Variants in CEP57 observed in about 807,000 individuals in gnomAD.
CEP57 encodes centrosomal protein 57, also known as centrosomal protein of 57 kDa.
CEP57 carries 40 observed loss-of-function variants against 68.0 expected under a neutral mutation model. The ratio of observed to expected loss-of-function variants is 0.59; its 90% CI spans 0.46 to 0.77. The LOEUF is 0.77. Ranked by LOEUF, CEP57 falls within the 30% of genes least tolerant of loss-of-function variation. CEP57 has a pLI of 0.00. For synonymous variants in CEP57, 219 were observed against 198.7 expected (o/e 1.10, Z -0.86); for missense variants, 606 against 580.7 (o/e 1.04, Z -0.45).
intron 2 of CEP57, among the ~76,000 whole-genome samples, chr11:95,806,353 G>A (rs144873107): frequency 1.4e-3 from 208 of 152,238 alleles, no homozygotes; most frequent in African/African-American, 4.6e-3. Flanking sequence ...CTGAGATACC[G>A]GGTTCATCTC....
Position 95,822,537 on chromosome 11 carries a change from T to C in CEP57, c.846T>C (p.Tyr282=), listed in dbSNP as rs775590763. The C allele has an allele frequency of 4.3e-6, 7 of 1,613,848 alleles. No individual in the cohort carries two copies. Among genetic ancestry groups the C allele is most frequent in the Admixed American group, 1.7e-5 (1 of 60,024 alleles). ...SRNYFGAQPH[Y]RLCLGDMPFV... ...ACTATTTTGGTGCACAACCACATTA[T>C]AGATTATGCTTGGGTGATATGCCAT... The change falls in exon 8 of 11, where the codon TAT becomes TAC. Residue 282 remains tyrosine (Y), a synonymous_variant. Transcript: ENST00000325542.
chr11:95,821,896 G>C lies in CEP57; in HGVS notation c.725G>C (p.Arg242Thr). The C allele has an allele frequency of 6.2e-7, 1 of 1,611,902 alleles. No individual in the cohort carries two copies. Among genetic ancestry groups the C allele is most frequent in the Non-Finnish European group, 8.5e-7 (1 of 1,179,284 alleles). The change falls in exon 7 of 11, where the codon AGA (arginine) becomes ACA (threonine). Residue 242 changes from arginine (R) to threonine (T), a missense_variant. Arg to Thr is a moderately conservative substitution (Grantham distance 71). Coordinates refer to ENST00000325542, the MANE Select transcript of CEP57 (RefSeq NM_014679.5). ...TTGCAGACTGGTCTAGAAACAAATAGACTTATCTTTGAAGATAAGGCAACT... is the reference window on the plus strand; with the variant it reads ...TTGCAGACTGGTCTAGAAACAAATACACTTATCTTTGAAGATAAGGCAACT... The part of the protein sequence containing the change: ...AELQTGLETN[R>T]LIFEDKATPC...
At chr11:95,793,020 T>C (rs1218118470) in intron 1 of CEP57, among the ~76,000 whole-genome samples, 1 of 152,208 alleles carries the variant, frequency 6.6e-6, no homozygotes, top group Non-Finnish European at 1.5e-5. Context: ...TATATTCAAC[T>C]GTTTTCGACA....
chr11:95,812,341 T>G lies in CEP57; in HGVS notation c.203-591T>G, dbSNP rs1228824991. On this transcript the variant is annotated intron_variant, in intron 2 of 10. Coordinates refer to ENST00000325542, the MANE Select transcript of CEP57 (RefSeq NM_014679.5). ...TATGATTGGCTAAATTTTTTACCAC[T>G]TTATAAAAGTCTTTGAAATTTTTTT... is the stretch of plus-strand genomic sequence containing the variant. 3.3e-5 allele frequency among the ~76,000 whole-genome samples: 5 copies of G among 152,270 alleles called. No individual in the cohort carries two copies. The East Asian group carries it at 9.6e-4, about 29-fold the overall frequency.
chr11:95,799,074 AG>A (rs1861464857), intron 1 of CEP57, among the ~76,000 whole-genome samples, 157 bp from the exon 2 acceptor site: 1 of 152,170 alleles, frequency 6.6e-6, no homozygotes, highest in Non-Finnish European at 1.5e-5. Flanking sequence ...ACACTTTAAA[AG>A]TTGTATTTCT....
chr11:95,793,083 A>C (rs573870745), intron 1 of CEP57, among the ~76,000 whole-genome samples: 54 of 152,346 alleles, frequency 3.5e-4, no homozygotes, highest in African/African-American at 1.3e-3. Flanking sequence ...CTTTACAGGC[A>C]AAGATTTTTA....
intron 2 of CEP57, among the ~76,000 whole-genome samples, chr11:95,801,900 G>C (rs1014757987): frequency 6.6e-6 from 1 of 152,016 alleles, no homozygotes; most frequent in African/African-American, 2.4e-5. Flanking sequence ...AGCATGATGC[G>C]GTGAACTATT....
At chr11:95,806,246 A>G (rs1369591381) in intron 2 of CEP57, among the ~76,000 whole-genome samples, 1 of 152,216 alleles carries the variant, frequency 6.6e-6, no homozygotes, top group Non-Finnish European at 1.5e-5. Flanking sequence ...AATAAAGAAC[A>G]ACTTGGTCCG....
chr11:95,829,287 G>A lies in CEP57; in HGVS notation c.1228G>A (p.Ala410Thr). 3.1e-6 allele frequency: 5 copies of A among 1,613,858 alleles called. No individual in the cohort carries two copies. Among genetic ancestry groups the A allele is most frequent in the Non-Finnish European group, 4.2e-6 (5 of 1,179,950 alleles). ...ELEALVGRMEAKANQITKVRK... is the reference protein window; with the variant it reads ...ELEALVGRMETKANQITKVRK... ...GGAGGCATTAGTGGGAAGGATGGAA[G>A]CAAAAGCCAACCAAATAACTAAAGT... The change falls in exon 10 of 11, where the codon GCA (alanine) becomes ACA (threonine). Residue 410 changes from alanine (A) to threonine (T), a missense_variant. Transcript: ENST00000325542.
intron 9 of CEP57, 74 bp downstream of exon 9, chr11:95,828,101 T>A: frequency 6.6e-7 from 1 of 1,506,558 alleles, no homozygotes; most frequent in Middle Eastern, 2.2e-4. Flanking sequence ...TTGACTTTAT[T>A]AAATCTTACT....
chr11:95,798,413 C>G (rs755389703), intron 1 of CEP57, among the ~76,000 whole-genome samples: 3 of 152,106 alleles, frequency 2.0e-5, no homozygotes, highest in African/African-American at 4.8e-5. Context: ...ACGGATTATT[C>G]TGGTAAATGT....
chr11:95,812,002 T>C (rs186562536), intron 2 of CEP57, among the ~76,000 whole-genome samples: 106 of 152,306 alleles, frequency 7.0e-4, no homozygotes, highest in African/African-American at 2.5e-3. Flanking sequence ...AATAACCAAA[T>C]GACAGTCATT....
In CEP57 at chr11:95,790,598, A is replaced by G; in HGVS notation, c.-101A>G. The G allele has an allele frequency of 2.1e-6, 3 of 1,430,994 alleles. No individual in the cohort carries two copies. The highest frequency in any genetic ancestry group is 1.2e-5 in the South Asian group (1 of 82,288). 88.6% of individuals were successfully genotyped at this position (1,430,994 alleles called of 1,614,324 possible). On this transcript the variant is annotated 5_prime_UTR_variant, in exon 1 of 11. Coordinates refer to ENST00000325542, the MANE Select transcript of CEP57 (RefSeq NM_014679.5). ...CCTTGCCCTTTTCCATCAGGGGTTC[A>G]GCCTAGGGTCCCCGCTGGTGGGCGG... is the stretch of plus-strand genomic sequence containing the variant.
chr11:95,815,669 G>T (rs566949946), intron 4 of CEP57, among the ~76,000 whole-genome samples: 2 of 152,270 alleles, frequency 1.3e-5, no homozygotes, highest in East Asian at 3.9e-4. Flanking sequence ...ACTGGTTCTG[G>T]CTGGGCAGGG....
At chr11:95,808,926 T>C (rs1331200446) in intron 2 of CEP57, among the ~76,000 whole-genome samples, 1 of 152,190 alleles carries the variant, frequency 6.6e-6, no homozygotes, top group Non-Finnish European at 1.5e-5. Flanking sequence ...ACATCACACT[T>C]ATTCCAAAAC....
chr11:95,816,249 C>T (rs1281754807), intron 4 of CEP57, among the ~76,000 whole-genome samples: 1 of 152,102 alleles, frequency 6.6e-6, no homozygotes, highest in Non-Finnish European at 1.5e-5. Flanking sequence ...CTATTAAAAC[C>T]ATCAGATCTC....
rs765767663 is a variant in CEP57, at chr11:95,790,719, T to C, written c.21T>C (p.Ser7=). The C allele has an allele frequency of 6.2e-7, 1 of 1,614,096 alleles. No homozygotes were observed. Among genetic ancestry groups the C allele is most frequent in the Admixed American group, 1.7e-5 (1 of 60,024 alleles). Residue 7 remains serine, a synonymous_variant, in exon 1 of 11, where the codon TCT becomes TCC. Transcript: ENST00000325542. ...GAAAGATGGCGGCGGCGTCTGTCTC[T>C]GCGGCTTCTGGTTCTCACTTGTCGG... The part of the protein sequence containing the change: MAAASV[S]AASGSHLSNS...
chr11:95,790,851 G>A lies in CEP57; in HGVS notation c.45+108G>A, dbSNP rs879088032. The stretch of plus-strand genomic sequence containing the variant: ...TCCAGCTTCTGACGCAATTCTGGAG[G>A]TCGGCGGGAATGCCTAGATTGCCCC... On this transcript the variant is annotated intron_variant, in intron 1 of 10. Transcript: ENST00000325542. 4 of 1,340,806 alleles carry A rather than the reference G, an allele frequency of 3.0e-6. No homozygotes were observed. The East Asian group carries it at 7.3e-5, about 25-fold the overall frequency. 83.1% of individuals were successfully genotyped at this position (1,340,806 alleles called of 1,614,324 possible).
intron 2 of CEP57, among the ~76,000 whole-genome samples, chr11:95,801,365 A>G (rs1861570172): frequency 6.6e-6 from 1 of 151,878 alleles, no homozygotes; most frequent in African/African-American, 2.4e-5. Context: ...AGCAACTGAT[A>G]AGGTTCTACA....
Sources: allele counts gnomAD v4.1 joint callset (sites outside exome capture counted in the v4.1 genomes callset), GRCh38; gene constraint gnomAD v4.1.1; transcripts MANE v1.5; gene names NCBI Gene and HGNC (gene_info 2026-07-23, HGNC 2026-07-21).